Variants in ENOSF1 observed in about 807,000 individuals in gnomAD.
ENOSF1 encodes mitochondrial enolase superfamily member 1.
A neutral mutation model predicts 68.2 loss-of-function variants in ENOSF1; 73 were observed. That is an observed-to-expected ratio of 1.07 (90% CI 0.89 to 1.30). ENOSF1 has a LOEUF of 1.30. Among genes scored for constraint, ENOSF1 ranks in the 50% most tolerant of loss-of-function variants. ENOSF1 has a pLI of 0.00. For synonymous variants in ENOSF1, 223 were observed against 210.4 expected, an observed-to-expected ratio of 1.06 and a Z score of -0.52; for missense variants, 589 against 554.5, an observed-to-expected ratio of 1.06 and a Z score of -0.62.
chr18:667,113 TGATGGTGATGGTGATGGA>T (rs2074852496), downstream of ENOSF1, among the ~76,000 whole-genome samples: 1 of 67,254 alleles, frequency 1.5e-5, no homozygotes. Context: ...ATGGAGATGG[TGATGGTGATGGTGATGGA>T]GATGGTGATG....
chr18:704,950 G>A (rs1363849999), intron 2 of ENOSF1, among the ~76,000 whole-genome samples: 2 of 90,144 alleles, frequency 2.2e-5, no homozygotes, highest in Non-Finnish European at 4.3e-5. Context: ...ATACATGGCA[G>A]CACTCAGAAG....
intron 11 of ENOSF1, among the ~76,000 whole-genome samples, chr18:679,187 CCTT>C (rs2075825866): frequency 6.6e-6 from 1 of 151,154 alleles, no homozygotes; most frequent in Non-Finnish European, 1.5e-5. Flanking sequence ...TGAGAAACCT[CCTT>C]CTAGAACCCT....
intron 2 of ENOSF1, among the ~76,000 whole-genome samples, chr18:702,277 A>C (rs2078445309): frequency 6.7e-6 from 1 of 150,032 alleles, no homozygotes. Context: ...AAAAAAAAAA[A>C]AAAAAAAAAC....
At chr18:690,771 T>C (rs2077071015) in intron 7 of ENOSF1, 140 bp from the exon 8 acceptor site, 5 of 1,389,054 alleles carry the variant, frequency 3.6e-6, no homozygotes, top group Admixed American at 4.7e-5. Flanking sequence ...CAGCCACAAA[T>C]TACTAGGATG....
chr18:666,375 G>C (rs1318581318), downstream of ENOSF1, among the ~76,000 whole-genome samples: 1 of 152,078 alleles, frequency 6.6e-6, no homozygotes, highest in Non-Finnish European at 1.5e-5. Context: ...CGCAGTGCCA[G>C]GGTCACACTC....
intron 11 of ENOSF1, among the ~76,000 whole-genome samples, chr18:680,166 G>A (rs1420072064): frequency 6.6e-6 from 1 of 152,158 alleles, no homozygotes; most frequent in Non-Finnish European, 1.5e-5. Flanking sequence ...AAGTATCCCT[G>A]ATTCCGGTGC....
chr18:675,288 C>G lies in ENOSF1; in HGVS notation c.1230+33G>C, dbSNP rs748284296. The G allele has an allele frequency of 3.2e-6, 5 of 1,567,384 alleles. No individual in the cohort carries two copies. In the South Asian group the frequency reaches 3.4e-5, roughly 11 times the overall value. ...CAGGCGTGGCAGTGGCTGGCAGCAT[C>G]TCTTCTACAGGGGCCCTCAGGCCAC... On this transcript the variant is annotated intron_variant, in intron 15 of 15. Coordinates refer to ENST00000647584, the MANE Select transcript of ENOSF1 (RefSeq NM_017512.7).
Position 697,218 on chromosome 18 carries a change from T to A in ENOSF1, c.309+22A>T. ...CTTGGTAATATTACTTATGTAAGCATTTTACAAAATAGGTCCCTTACCCAT... is the reference window on the plus strand; with the variant it reads ...CTTGGTAATATTACTTATGTAAGCAATTTACAAAATAGGTCCCTTACCCAT... On this transcript the variant is annotated intron_variant, in intron 3 of 15. Transcript: ENST00000647584. 2.6e-6 allele frequency: 4 copies of A among 1,551,024 alleles called. No individual in the cohort carries two copies. In the South Asian group the frequency reaches 4.5e-5, roughly 17 times the overall value.
At chr18:694,021 A>G in intron 4 of ENOSF1, 113 bp from the exon 5 acceptor site, 1 of 1,199,202 alleles carries the variant, frequency 8.3e-7, no homozygotes, top group South Asian at 1.4e-5. Flanking sequence ...AGGTCCCCAC[A>G]CCCCCCTCTA....
chr18:699,829 T>C (rs548127953), intron 2 of ENOSF1, among the ~76,000 whole-genome samples: 1 of 152,260 alleles, frequency 6.6e-6, no homozygotes, highest in East Asian at 1.9e-4. Flanking sequence ...TCTGTAATCC[T>C]AGCACTTTGG....
intron 5 of ENOSF1, chr18:691,550 T>A (rs1329785723): frequency 3.1e-6 from 1 of 320,930 alleles, no homozygotes; most frequent in Non-Finnish European, 5.8e-6. Context: ...TCTCACTATG[T>A]TGACCAGGTT....
At chr18:689,684 C>T (rs1199427117) in intron 8 of ENOSF1, among the ~76,000 whole-genome samples, 6 of 151,938 alleles carry the variant, frequency 3.9e-5, no homozygotes, top group Admixed American at 3.9e-4. Flanking sequence ...TTTGTCTCTG[C>T]CCCCATCGCT....
At chr18:706,391 C>A in intron 2 of ENOSF1, 79 bp downstream of exon 2, 1 of 962,682 alleles carries the variant, frequency 1.0e-6, no homozygotes, top group Non-Finnish European at 1.7e-6. Context: ...AATCAAGATT[C>A]TAATGAATCT....
intron 5 of ENOSF1, 86 bp from the exon 6 acceptor site, chr18:691,362 T>TA: frequency 8.8e-7 from 1 of 1,132,398 alleles, no homozygotes; most frequent in Non-Finnish European, 1.3e-6. Flanking sequence ...ATTCTTTTTT[T>TA]AGAGACAAGG....
chr18:697,151 T>A, intron 3 of ENOSF1, 89 bp downstream of exon 3: 2 of 883,912 alleles, frequency 2.3e-6, no homozygotes, highest in Non-Finnish European at 3.8e-6. Context: ...AATAAACCCA[T>A]CTCTATTTTC....
chr18:711,334 T>C (rs562625982), intron 1 of ENOSF1, among the ~76,000 whole-genome samples: 1 of 152,310 alleles, frequency 6.6e-6, no homozygotes, highest in African/African-American at 2.4e-5. Context: ...GTATAGATAA[T>C]GTAATGGACA....
chr18:676,085 T>G (rs2075484053), intron 14 of ENOSF1, among the ~76,000 whole-genome samples: 1 of 152,340 alleles, frequency 6.6e-6, no homozygotes, highest in East Asian at 1.9e-4. Flanking sequence ...GAGGTTCCTT[T>G]CAGCTATACA....
At chr18:707,421 C>T (rs952631126) in intron 1 of ENOSF1, among the ~76,000 whole-genome samples, 1 of 152,134 alleles carries the variant, frequency 6.6e-6, no homozygotes, top group African/African-American at 2.4e-5. Context: ...ATTGAACAAG[C>T]CAAAGGTTCA....
intron 10 of ENOSF1, among the ~76,000 whole-genome samples, chr18:684,565 A>G (rs974464663): frequency 1.2e-4 from 18 of 152,086 alleles, no homozygotes; most frequent in Admixed American, 2.0e-4. Context: ...GGCAGTTCAT[A>G]TTAACCCATT....
Sources: gnomAD v4.1 joint callset for allele counts (sites outside exome capture counted in the v4.1 genomes callset) on GRCh38, gnomAD v4.1.1 for gene constraint, MANE v1.5 for transcripts, NCBI Gene and HGNC (gene_info 2026-07-23, HGNC 2026-07-21) for gene names.